The following ATG12 variants were observed in gnomAD, a reference collection of about 807,000 sequenced individuals.
ATG12 encodes the protein autophagy related 12.
Under a neutral mutation model 17.6 loss-of-function variants are expected in ATG12, and 19 were observed. The ratio of observed to expected loss-of-function variants is 1.08; its 90% CI spans 0.75 to 1.58. The LOEUF (loss-of-function observed/expected upper bound fraction) is 1.58. Ranked by LOEUF, ATG12 falls within the 40% of genes most tolerant of loss-of-function variation. ATG12 has a pLI of 0.00. For synonymous variants in ATG12, 75 were observed against 62.4 expected (o/e 1.20, Z -0.95); for missense variants, 214 against 162.0 (o/e 1.32, Z -1.74).
chr5:115,834,977 T>G (rs1273567442), intron 2 of ATG12: 1 of 152,218 alleles, frequency 6.6e-6, no homozygotes, highest in Non-Finnish European at 1.5e-5. Context: ...CTTCACAGAC[T>G]CTTGTCCAAA....
intron 3 of ATG12, 27 bp downstream of exon 3, chr5:115,832,567 CTTTCTTTT>C (rs770154609): frequency 0.015 from 15,601 of 1,059,930 alleles, 257 homozygotes; most frequent in East Asian, 0.053. Flanking sequence ...GCAGTAATTT[CTTTCTTTT>C]TTTTTTTTTT....
At chr5:115,837,501 G>A (rs2112727525) in intron 2 of ATG12, 127 bp downstream of exon 2, 1 of 982,948 alleles carries the variant, frequency 1.0e-6, no homozygotes, top group African/African-American at 1.7e-5. Context: ...AAAAATAAAG[G>A]GATAAAAGGG....
intron 1 of ATG12, chr5:115,838,664 A>G (rs1761203751): frequency 6.6e-6 from 1 of 152,260 alleles, no homozygotes; most frequent in Non-Finnish European, 1.5e-5. Flanking sequence ...TATTAACAAT[A>G]GAACAACCAA....
At chr5:115,832,812 T>TAGA in intron 2 of ATG12, 148 bp from the exon 3 acceptor site, 1 of 683,414 alleles carries the variant, frequency 1.5e-6, no homozygotes, top group Non-Finnish European at 2.3e-6. Flanking sequence ...ATAGTCAATT[T>TAGA]AAAGAGATCA....
At chr5:115,833,883 T>C (rs931650499) in intron 2 of ATG12, 1 of 152,192 alleles carries the variant, frequency 6.6e-6, no homozygotes, top group Non-Finnish European at 1.5e-5. Flanking sequence ...GGGGAAGGGC[T>C]CTCAATAACA....
intron 1 of ATG12, chr5:115,841,000 C>A: frequency 1.4e-6 from 1 of 698,372 alleles, no homozygotes. Flanking sequence ...CAGGCTTTGC[C>A]AATGACCACC....
chr5:115,832,571 C>CTT lies in ATG12; in HGVS notation c.363+29_363+30dup, dbSNP rs35310189. 1,885 of 801,856 alleles carry CTT rather than the reference C, an allele frequency of 2.4e-3. 21 individuals are homozygous for CTT. Among genetic ancestry groups the CTT allele is most frequent in the African/African-American group, 5.2e-3 (159 of 30,806 alleles). The allele number at this position is 801,856 out of a possible 1,614,324, so 49.7% of individuals were successfully genotyped here. A position where few individuals can be genotyped will look rare whatever the true frequency, so the allele number is the denominator to read the frequency against. ...AAGAAAAAAAAGCAGTAATTTCTTT[C>CTT]TTTTTTTTTTTTTTTTTTTTTTTTT... On this transcript the variant is annotated intron_variant, in intron 3 of 3. Transcript: ENST00000509910.
At chr5:115,840,620 C>G in intron 1 of ATG12, 1 of 1,273,472 alleles carries the variant, frequency 7.9e-7, no homozygotes, top group Non-Finnish European at 1.0e-6. Context: ...CATCTTAAGA[C>G]AGAACGGGGA....
rs1760868288 is a variant in ATG12, at chr5:115,831,509, C to T, written c.*295G>A. Reference sequence around the variant, plus strand: ...AGAACTGACAATGAAGATGTTTATACAGTCTTAGTCTCCTTTTCAACCTTG... The same window carrying T: ...AGAACTGACAATGAAGATGTTTATATAGTCTTAGTCTCCTTTTCAACCTTG... On this transcript the variant is annotated 3_prime_UTR_variant, in exon 4 of 4. Coordinates refer to ENST00000509910, the MANE Select transcript of ATG12 (RefSeq NM_004707.4). 1 of 421,984 alleles carries T rather than the reference C, an allele frequency of 2.4e-6. No homozygotes were observed. The highest frequency in any genetic ancestry group is 4.2e-6 in the Non-Finnish European group (1 of 237,876). 26.1% of individuals were successfully genotyped at this position (421,984 alleles called of 1,614,324 possible). A position where few individuals can be genotyped will look rare whatever the true frequency, so the allele number is the denominator to read the frequency against.
Position 115,828,771 on chromosome 5 carries a change from G to GT in ATG12, c.*3032dup, listed in dbSNP as rs1421036692. The stretch of plus-strand genomic sequence containing the variant: ...ATTTACATATAAGGAAATGTACTAA[G>GT]TATTATGTGTGTGTGGGTACCAGAT... On this transcript the variant is annotated 3_prime_UTR_variant, in exon 4 of 4. Coordinates refer to ENST00000509910, the MANE Select transcript of ATG12 (RefSeq NM_004707.4). 3 of 152,134 alleles carry GT rather than the reference G, an allele frequency of 2.0e-5. No homozygotes were observed. Among genetic ancestry groups the GT allele is most frequent in the African/African-American group, 7.2e-5 (3 of 41,432 alleles). 9.4% of individuals were successfully genotyped at this position (152,134 alleles called of 1,614,324 possible).
intron 1 of ATG12, chr5:115,840,651 A>G: frequency 1.6e-6 from 2 of 1,240,554 alleles, no homozygotes; most frequent in South Asian, 1.4e-5. Context: ...GGACGAAATC[A>G]GCCTCTCTGA....
chr5:115,840,273 A>G (rs1463816540), intron 1 of ATG12, among the ~76,000 whole-genome samples: 3 of 151,986 alleles, frequency 2.0e-5, no homozygotes, highest in Non-Finnish European at 4.4e-5. Flanking sequence ...CAGAAGTTGA[A>G]GAAAAAGCAA....
intron 2 of ATG12, among the ~76,000 whole-genome samples, chr5:115,836,446 C>G (rs1371160742): frequency 6.6e-6 from 1 of 152,204 alleles, no homozygotes; most frequent in African/African-American, 2.4e-5. Flanking sequence ...CTGCTCATTT[C>G]TCTCAAGTGT....
chr5:115,832,566 T>C (rs758373420), intron 3 of ATG12, 36 bp downstream of exon 3: 2 of 1,303,258 alleles, frequency 1.5e-6, no homozygotes, highest in Admixed American at 8.3e-5. Context: ...AGCAGTAATT[T>C]CTTTCTTTTT....
At chr5:115,835,876 T>C (rs1449469362) in intron 2 of ATG12, among the ~76,000 whole-genome samples, 2 of 152,122 alleles carry the variant, frequency 1.3e-5, no homozygotes, top group East Asian at 3.9e-4. Context: ...TTGGGGCTCA[T>C]GGGGATACCT....
intron 1 of ATG12, 134 bp downstream of exon 1, chr5:115,841,251 CTTCTT>C: frequency 2.6e-6 from 3 of 1,157,766 alleles, no homozygotes; most frequent in Non-Finnish European, 3.7e-6. Context: ...AAAAAGTACA[CTTCTT>C]TTCTTCTGAT....
intron 1 of ATG12, chr5:115,837,995 G>A: frequency 2.6e-6 from 1 of 381,524 alleles, no homozygotes; most frequent in Non-Finnish European, 4.6e-6. Context: ...TATCTTAACA[G>A]GCAGTTCCAA....
At chr5:115,839,495 T>C (rs1761239545) in intron 1 of ATG12, 1 of 152,184 alleles carries the variant, frequency 6.6e-6, no homozygotes, top group African/African-American at 2.4e-5. Context: ...AATTAAACAT[T>C]TCCAGAAAGT....
rs769445513 is a variant in ATG12, at chr5:115,831,698, T to G, written c.*106A>C. On this transcript the variant is annotated 3_prime_UTR_variant, in exon 4 of 4. Coordinates refer to ENST00000509910, the MANE Select transcript of ATG12 (RefSeq NM_004707.4). ...AAACATAGAGTAGACACATACTAAA[T>G]AGATCACATCTGTTAAGTCTCTTGC... 36 of 1,011,140 alleles carry G rather than the reference T, an allele frequency of 3.6e-5. No homozygotes were observed. The highest frequency in any genetic ancestry group is 4.8e-5 in the Non-Finnish European group (32 of 659,842). 62.6% of individuals were successfully genotyped at this position (1,011,140 alleles called of 1,614,324 possible). A position where few individuals can be genotyped will look rare whatever the true frequency, so the allele number is the denominator to read the frequency against.
Sources: allele counts gnomAD v4.1 joint callset (sites outside exome capture counted in the v4.1 genomes callset), GRCh38; gene constraint gnomAD v4.1.1; transcripts MANE v1.5; gene names NCBI Gene and HGNC (gene_info 2026-07-23, HGNC 2026-07-21).